FHIT: variants seen among roughly 807,000 people sequenced by gnomAD.
FHIT encodes the protein fragile histidine triad diadenosine triphosphatase, also known as bis(5'-adenosyl)-triphosphatase.
In FHIT, 19 loss-of-function variants were observed where a neutral mutation model predicts 17.9. The ratio of observed to expected loss-of-function variants is 1.06; its 90% CI spans 0.74 to 1.56. The LOEUF (loss-of-function observed/expected upper bound fraction) is 1.56, where lower values mean the gene tolerates loss of function less well. Ranked by LOEUF, FHIT falls within the 40% of genes most tolerant of loss-of-function variation. The pLI, the probability that FHIT is intolerant of heterozygous loss-of-function variation, is 0.00. For synonymous variants in FHIT, 81 were observed against 69.7 expected, an observed-to-expected ratio of 1.16 and a Z score of -0.81; for missense variants, 248 against 189.2, an observed-to-expected ratio of 1.31 and a Z score of -1.82.
intron 1 of FHIT, among the ~76,000 whole-genome samples, chr3:61,235,116 T>C (rs907268776): frequency 2.0e-4 from 31 of 152,352 alleles, no homozygotes; most frequent in South Asian, 6.2e-4. Flanking sequence ...TCCTTTTATA[T>C]CCTTGTCCTT....
At chr3:59,759,204 T>C (rs1325188099) in intron 8 of FHIT, among the ~76,000 whole-genome samples, 2 of 151,856 alleles carry the variant, frequency 1.3e-5, no homozygotes, top group Non-Finnish European at 2.9e-5. Context: ...GAGAGAGGAC[T>C]TGGGGGGATG....
At chr3:60,856,811 C>T (rs969093520) in intron 3 of FHIT, among the ~76,000 whole-genome samples, 4 of 152,028 alleles carry the variant, frequency 2.6e-5, no homozygotes, top group East Asian at 1.9e-4. Context: ...TTCTTCAGTG[C>T]GTGGACCCTA....
intron 1 of FHIT, among the ~76,000 whole-genome samples, chr3:61,227,767 G>A (rs549710239): frequency 5.8e-4 from 89 of 152,182 alleles, no homozygotes; most frequent in African/African-American, 1.8e-3. Context: ...GGAATGGAGA[G>A]GAAAAACCGG....
chr3:60,217,071 T>G lies in FHIT; in HGVS notation c.104-202919A>C, dbSNP rs914452488. ...TTCAAGTAATGGCTATATTAAAGCA[T>G]TAGCATGTTGAATAATTTTCTTTTA... On this transcript the variant is annotated intron_variant, in intron 5 of 9. Coordinates refer to ENST00000492590, the MANE Select transcript of FHIT (RefSeq NM_002012.4). 1.3e-5 allele frequency among the ~76,000 whole-genome samples: 2 copies of G among 152,222 alleles called. 1 individual carries two copies.
In FHIT at chr3:61,205,657, T is replaced by G. The variant is rs1038749186; in HGVS notation, c.-212-4992A>C. On this transcript the variant is annotated intron_variant, in intron 1 of 9. Transcript: ENST00000492590. ...GTCTGTTCTTATCCTTTTCCCACTT[T>G]TTGATGGGGTTGTTTTTGTCTTGTA... Among the ~76,000 whole-genome samples the G allele has an allele frequency of 7.2e-5, 11 of 152,262 alleles. No individual in the cohort carries two copies. In the South Asian group the frequency reaches 8.3e-4, roughly 11 times the overall value.
chr3:60,150,370 T>C (rs1700413331), intron 5 of FHIT, among the ~76,000 whole-genome samples: 1 of 151,942 alleles, frequency 6.6e-6, no homozygotes, highest in African/African-American at 2.4e-5. Flanking sequence ...TATATTGGAG[T>C]CAATCACTGT....
chr3:61,011,224 C>A (rs1309428626), intron 3 of FHIT, among the ~76,000 whole-genome samples: 2 of 152,080 alleles, frequency 1.3e-5, no homozygotes, highest in Non-Finnish European at 2.9e-5. Flanking sequence ...CAATGTTGAA[C>A]CTGAATAGAT....
chr3:59,820,053 A>G (rs1700734811), intron 8 of FHIT, among the ~76,000 whole-genome samples: 1 of 152,258 alleles, frequency 6.6e-6, no homozygotes, highest in African/African-American at 2.4e-5. Flanking sequence ...TGGACTTCCC[A>G]GGCTCCAGAA....
At chr3:60,710,495 G>T (rs1400493959) in intron 4 of FHIT, among the ~76,000 whole-genome samples, 1 of 152,242 alleles carries the variant, frequency 6.6e-6, no homozygotes, top group Non-Finnish European at 1.5e-5. Flanking sequence ...AAGCGCAAGG[G>T]ATCAGGGAGT....
At chr3:59,871,068 G>A (rs1171416709) in intron 8 of FHIT, among the ~76,000 whole-genome samples, 1 of 152,122 alleles carries the variant, frequency 6.6e-6, no homozygotes, top group Non-Finnish European at 1.5e-5. Context: ...ACTTCAAATT[G>A]CTATAAAGTT....
intron 5 of FHIT, among the ~76,000 whole-genome samples, chr3:60,534,090 C>T (rs916949765): frequency 1.3e-5 from 2 of 152,086 alleles, no homozygotes; most frequent in African/African-American, 4.8e-5. Context: ...AGTCTCAGGA[C>T]AAAAGACTAG....
At chr3:60,676,971 T>C (rs375206717) in intron 4 of FHIT, among the ~76,000 whole-genome samples, 2 of 152,128 alleles carry the variant, frequency 1.3e-5, no homozygotes, top group African/African-American at 4.8e-5. Context: ...GCCTCCTGGG[T>C]TCAAGGGATC....
intron 3 of FHIT, among the ~76,000 whole-genome samples, chr3:60,964,146 T>C (rs1211009517): frequency 2.6e-5 from 4 of 152,198 alleles, no homozygotes; most frequent in African/African-American, 7.2e-5. Context: ...TTAGGATAGT[T>C]AGCTCTTCTT....
chr3:60,416,861 A>C (rs544662345), intron 5 of FHIT, among the ~76,000 whole-genome samples: 2 of 152,136 alleles, frequency 1.3e-5, no homozygotes, highest in African/African-American at 4.8e-5. Flanking sequence ...CCGAGGCGGG[A>C]GGATCACGAG....
intron 5 of FHIT, among the ~76,000 whole-genome samples, chr3:60,124,663 A>G (rs1390074142): frequency 6.6e-6 from 1 of 152,214 alleles, no homozygotes. Flanking sequence ...TCTACCAAAG[A>G]GCAATGCAGC....
intron 3 of FHIT, among the ~76,000 whole-genome samples, chr3:61,031,718 G>A (rs887590015): frequency 1.3e-5 from 2 of 152,118 alleles, no homozygotes; most frequent in African/African-American, 4.8e-5. Flanking sequence ...GGTCACTGTA[G>A]CCTGTCTACA....
chr3:60,589,480 A>T (rs930930742), intron 4 of FHIT, among the ~76,000 whole-genome samples: 1 of 152,104 alleles, frequency 6.6e-6, no homozygotes, highest in Non-Finnish European at 1.5e-5. Flanking sequence ...TCTTTTGAAC[A>T]TCATCACAGT....
chr3:61,024,659 T>G (rs17634592), intron 3 of FHIT, among the ~76,000 whole-genome samples: 40,050 of 152,068 alleles, frequency 0.26, 6,185 homozygotes, highest in African/African-American at 0.44. Context: ...ACAATGCCAG[T>G]TGAATAAATA....
At chr3:60,909,340 G>A (rs1475492037) in intron 3 of FHIT, among the ~76,000 whole-genome samples, 1 of 144,348 alleles carries the variant, frequency 6.9e-6, no homozygotes, top group African/African-American at 2.6e-5. Context: ...CTGCACTCCA[G>A]TCTGGGCAGC....
Sources: gnomAD v4.1 joint callset for allele counts (sites outside exome capture counted in the v4.1 genomes callset) on GRCh38, gnomAD v4.1.1 for gene constraint, MANE v1.5 for transcripts, NCBI Gene and HGNC (gene_info 2026-07-23, HGNC 2026-07-21) for gene names.